Variants in HFM1 observed in about 807,000 individuals in gnomAD.
HFM1 encodes probable ATP-dependent DNA helicase HFM1.
In HFM1, 169 loss-of-function variants were observed where a neutral mutation model predicts 192.1. The observed-to-expected ratio is 0.88, with a 90% CI of 0.78 to 1.00. The LOEUF (loss-of-function observed/expected upper bound fraction) is 1.00, where lower values mean the gene tolerates loss of function less well. Among genes scored for constraint, HFM1 ranks in the 50% least tolerant of loss-of-function variants. The pLI is 0.00. For missense variants in HFM1, 1,661 were observed against 1,668.0 expected, an observed-to-expected ratio of 1.00 and a Z score of 0.07; for synonymous variants, 525 against 537.8, an observed-to-expected ratio of 0.98 and a Z score of 0.33.
chr1:91,294,554 T>C (rs926434664), intron 30 of HFM1, among the ~76,000 whole-genome samples: 5 of 152,220 alleles, frequency 3.3e-5, no homozygotes, highest in Admixed American at 1.3e-4. Flanking sequence ...AATACACCCA[T>C]GTCTATTCAT....
chr1:91,344,312 C>T (rs1205850254), intron 19 of HFM1, among the ~76,000 whole-genome samples: 1 of 152,156 alleles, frequency 6.6e-6, no homozygotes, highest in Non-Finnish European at 1.5e-5. Context: ...CTCAAAAAAA[C>T]ACCCTTGGAG....
Position 91,396,369 on chromosome 1 carries a change from G to A in HFM1, c.108C>T (p.Leu36=), listed in dbSNP as rs1663656188. 1 of 1,602,034 alleles carries A rather than the reference G, an allele frequency of 6.2e-7. No homozygotes were observed. Among genetic ancestry groups the A allele is most frequent in the Non-Finnish European group, 8.5e-7 (1 of 1,172,670 alleles). Residue 36 remains leucine, a synonymous_variant, in exon 3 of 39, where the codon CTC becomes CTT. Coordinates refer to ENST00000370425, the MANE Select transcript of HFM1 (RefSeq NM_001017975.6). ...PDNEKSLDWF[L]PPAPLISEIP... ...TTTCTGAAATCAATGGAGCAGGAGG[G>A]AGAAACCAATCCAATGACTTTTCAT...
Position 91,351,716 on chromosome 1 carries a change from A to T in HFM1, c.1978-73T>A, listed in dbSNP as rs1258835204. On this transcript the variant is annotated intron_variant, in intron 16 of 38. Coordinates refer to ENST00000370425, the MANE Select transcript of HFM1 (RefSeq NM_001017975.6). The stretch of plus-strand genomic sequence containing the variant: ...TAGCAGTCCTCTTCAATAACTGAAG[A>T]CTTCCATTTTATATTAAACAGTCTC... 1.1e-5 allele frequency: 8 copies of T among 705,678 alleles called. No individual in the cohort carries two copies. In the South Asian group the frequency reaches 1.6e-4, roughly 14 times the overall value. The allele number at this position is 705,678 out of a possible 1,614,324, so 43.7% of individuals were successfully genotyped here.
At chr1:91,289,543 AC>A (rs1246594668) in intron 30 of HFM1, among the ~76,000 whole-genome samples, 1 of 152,118 alleles carries the variant, frequency 6.6e-6, no homozygotes, top group Non-Finnish European at 1.5e-5. Context: ...CGAGCCAAGA[AC>A]ACGCCACTGC....
intron 11 of HFM1, among the ~76,000 whole-genome samples, chr1:91,376,706 T>A (rs992785398): frequency 2.6e-5 from 4 of 151,914 alleles, no homozygotes; most frequent in South Asian, 2.1e-4. Flanking sequence ...AAGTAAAAAA[T>A]TTTTAAATGA....
At chr1:91,338,126 G>A (rs550173511) in intron 20 of HFM1, among the ~76,000 whole-genome samples, 20 of 152,298 alleles carry the variant, frequency 1.3e-4, no homozygotes, top group African/African-American at 4.8e-4. Flanking sequence ...TCTTGTCACG[G>A]ACCTCTGGAA....
chr1:91,363,322 G>A (rs774771431), intron 13 of HFM1, among the ~76,000 whole-genome samples: 3 of 99,514 alleles, frequency 3.0e-5, no homozygotes, highest in Admixed American at 2.5e-4. Context: ...CAAGGAACTT[G>A]AACAAAATTA....
At chr1:91,315,126 T>C (rs1325072922) in intron 28 of HFM1, among the ~76,000 whole-genome samples, 1 of 152,214 alleles carries the variant, frequency 6.6e-6, no homozygotes, top group Non-Finnish European at 1.5e-5. Flanking sequence ...TAATCATAAA[T>C]CAAACTCATT....
intron 20 of HFM1, among the ~76,000 whole-genome samples, chr1:91,326,803 A>T (rs1205818590): frequency 6.6e-6 from 1 of 152,266 alleles, no homozygotes; most frequent in Non-Finnish European, 1.5e-5. Flanking sequence ...TAGCTACAAC[A>T]GCTTTTCAAG....
intron 6 of HFM1, among the ~76,000 whole-genome samples, chr1:91,381,536 T>A (rs1288022127): frequency 1.3e-5 from 2 of 152,182 alleles, no homozygotes; most frequent in Non-Finnish European, 2.9e-5. Flanking sequence ...ACTTAAATCA[T>A]CCTTCCCCTG....
chr1:91,262,687 TTA>T, intron 36 of HFM1, 95 bp from the exon 37 acceptor site: 1 of 680,726 alleles, frequency 1.5e-6, no homozygotes, highest in African/African-American at 1.8e-5. Context: ...TGATCAAAGT[TTA>T]TCACATTTAT....
chr1:91,406,976 C>T (rs1358842999), upstream of HFM1, among the ~76,000 whole-genome samples: 1 of 152,180 alleles, frequency 6.6e-6, no homozygotes, highest in Non-Finnish European at 1.5e-5. Flanking sequence ...ATACAGAGCT[C>T]TCTCTGCACC....
chr1:91,293,868 C>A (rs1231880246), intron 30 of HFM1, among the ~76,000 whole-genome samples: 1 of 150,052 alleles, frequency 6.7e-6, no homozygotes, highest in African/African-American at 2.5e-5. Context: ...ACTATGCAGC[C>A]ATAAAAAATG....
At chr1:91,282,510 A>G (rs1199218660) in intron 30 of HFM1, among the ~76,000 whole-genome samples, 1 of 152,092 alleles carries the variant, frequency 6.6e-6, no homozygotes, top group Admixed American at 6.5e-5. Context: ...AAAATGTCTC[A>G]TCACCCTTGG....
Position 91,388,464 on chromosome 1 carries a change from T to C in HFM1, c.495-2630A>G, listed in dbSNP as rs186721250. ...ACCCAGTCTTTACATTTATGGTCAGTTGATTTCCAATGACAGTGTCATGAC... is the reference window on the plus strand; with the variant it reads ...ACCCAGTCTTTACATTTATGGTCAGCTGATTTCCAATGACAGTGTCATGAC... On this transcript the variant is annotated intron_variant, in intron 4 of 38. Coordinates refer to ENST00000370425, the MANE Select transcript of HFM1 (RefSeq NM_001017975.6). 2.2e-3 allele frequency among the ~76,000 whole-genome samples: 331 copies of C among 152,324 alleles called. 2 individuals carry two copies. Among genetic ancestry groups the C allele is most frequent in the Middle Eastern group, 0.014 (4 of 294 alleles).
intron 2 of HFM1, among the ~76,000 whole-genome samples, chr1:91,399,141 T>C (rs1399121876): frequency 1.3e-5 from 2 of 152,148 alleles, no homozygotes; most frequent in Non-Finnish European, 2.9e-5. Context: ...GGTATTGTTC[T>C]AGGCACTAGA....
chr1:91,360,208 A>G (rs1161477929), intron 13 of HFM1, among the ~76,000 whole-genome samples: 2 of 152,148 alleles, frequency 1.3e-5, no homozygotes, highest in East Asian at 3.9e-4. Context: ...ACCAATCTTA[A>G]ATTGTAAATG....
intron 18 of HFM1, among the ~76,000 whole-genome samples, chr1:91,348,097 TA>T (rs1211872496): frequency 6.6e-6 from 1 of 152,126 alleles, no homozygotes; most frequent in Non-Finnish European, 1.5e-5. Context: ...TTCTATATCT[TA>T]ATCTGGGCTG....
chr1:91,312,940 G>A (rs533483195), intron 30 of HFM1, among the ~76,000 whole-genome samples: 40 of 152,148 alleles, frequency 2.6e-4, no homozygotes, highest in African/African-American at 8.2e-4. Flanking sequence ...TGGGCTTATC[G>A]GGGTTTCTGC....
Sources: allele counts gnomAD v4.1 joint callset (sites outside exome capture counted in the v4.1 genomes callset), GRCh38; gene constraint gnomAD v4.1.1; transcripts MANE v1.5; gene names NCBI Gene and HGNC (gene_info 2026-07-23, HGNC 2026-07-21).